Variants in QTMAN observed in about 807,000 individuals in gnomAD.
The protein encoded by QTMAN is queuosine-tRNA mannosyltransferase.
At chr2:143,946,508 T>G in the QTMAN span, 1 of 152,868 alleles carries the variant, frequency 6.5e-6, no homozygotes, top group African/African-American at 2.4e-5. Flanking sequence ...GCCCAATTAA[T>G]CCCAAAGCAT....
At chr2:144,057,604 A>C in the QTMAN span, among the ~76,000 whole-genome samples, 1 of 152,140 alleles carries the variant, frequency 6.6e-6, no homozygotes. Flanking sequence ...TTTCAATTTG[A>C]CCATAGTGGG....
At chr2:144,287,210 G>A in the QTMAN span, among the ~76,000 whole-genome samples, 1 of 152,182 alleles carries the variant, frequency 6.6e-6, no homozygotes, top group Non-Finnish European at 1.5e-5. Flanking sequence ...GCCAAAGCGG[G>A]CGGATCACAA....
At chr2:144,292,267 G>A in the QTMAN span, among the ~76,000 whole-genome samples, 1 of 152,172 alleles carries the variant, frequency 6.6e-6, no homozygotes, top group East Asian at 1.9e-4. Context: ...CTGCTCCTAT[G>A]TGAGACCACT....
the QTMAN span, chr2:143,944,547 A>T: frequency 2.0e-5 from 3 of 152,114 alleles, no homozygotes. Flanking sequence ...GGTTCACGCC[A>T]TTCTCCTGCC....
the QTMAN span, among the ~76,000 whole-genome samples, chr2:144,227,658 C>T: frequency 6.6e-6 from 1 of 152,290 alleles, no homozygotes; most frequent in African/African-American, 2.4e-5. Context: ...AATACCAACA[C>T]ATATGCACTA....
the QTMAN span, among the ~76,000 whole-genome samples, chr2:144,264,419 A>C: frequency 6.6e-6 from 1 of 152,072 alleles, no homozygotes; most frequent in African/African-American, 2.4e-5. Context: ...ACCAAATCTC[A>C]TATTTTCAGG....
At chr2:144,019,435 G>GGTGTGTGTGTGTGTGTGTGTGTGTGTGT in the QTMAN span, among the ~76,000 whole-genome samples, 2 of 117,274 alleles carry the variant, frequency 1.7e-5, no homozygotes, top group Non-Finnish European at 3.6e-5. Context: ...TAAGCATGCA[G>GGTGTGTGTGTGTGTGTGTGTGTGTGTGT]GTGTGTGTGT....
chr2:143,997,219 CATT>C, the QTMAN span, among the ~76,000 whole-genome samples: 1 of 152,052 alleles, frequency 6.6e-6, no homozygotes, highest in African/African-American at 2.4e-5. Context: ...GGGCTTGATA[CATT>C]ATTTATGAAC....
At chr2:144,177,252 TA>T in the QTMAN span, 10,180 of 577,210 alleles carry the variant, frequency 0.018, 11 homozygotes, top group African/African-American at 0.022. Flanking sequence ...TTGATCCCAA[TA>T]AAAAAAAAAA....
the QTMAN span, among the ~76,000 whole-genome samples, chr2:144,065,258 C>G: frequency 1.3e-5 from 2 of 152,116 alleles, no homozygotes; most frequent in African/African-American, 4.8e-5. Flanking sequence ...TACAAACAAA[C>G]CAAAAGTGAG....
chr2:144,110,684 C>CCCG, the QTMAN span, among the ~76,000 whole-genome samples: 1 of 142,044 alleles, frequency 7.0e-6, no homozygotes, highest in East Asian at 2.3e-4. Context: ...AATCGACCCC[C>CCCG]CCCCAAAAAA....
the QTMAN span, among the ~76,000 whole-genome samples, chr2:144,058,838 T>C: frequency 2.0e-5 from 3 of 152,146 alleles, no homozygotes; most frequent in African/African-American, 4.8e-5. Context: ...CCCCATCTAA[T>C]CAACCCCCAA....
chr2:144,160,889 A>G, the QTMAN span, among the ~76,000 whole-genome samples: 1 of 152,156 alleles, frequency 6.6e-6, no homozygotes, highest in African/African-American at 2.4e-5. Flanking sequence ...GCAGGAATAG[A>G]TGGTCTGGAA....
chr2:144,256,994 A>G, the QTMAN span, among the ~76,000 whole-genome samples: 1 of 152,062 alleles, frequency 6.6e-6, no homozygotes, highest in African/African-American at 2.4e-5. Context: ...AGGATATTTT[A>G]CTACTATGTT....
At chr2:144,238,007 T>G in the QTMAN span, among the ~76,000 whole-genome samples, 1 of 152,160 alleles carries the variant, frequency 6.6e-6, no homozygotes, top group Non-Finnish European at 1.5e-5. Context: ...TAGTCTAACT[T>G]TCAAATGACT....
the QTMAN span, among the ~76,000 whole-genome samples, chr2:144,203,807 T>G: frequency 5.9e-5 from 9 of 152,214 alleles, no homozygotes. Context: ...ATTTACCATG[T>G]TTTAACTGGA....
chr2:144,226,474 T>C, the QTMAN span, among the ~76,000 whole-genome samples: 22 of 152,174 alleles, frequency 1.4e-4, no homozygotes, highest in Non-Finnish European at 5.9e-5. Flanking sequence ...CAATACCCAA[T>C]TCTGAGTTCA....
At chr2:143,941,184 G>GGCCCCA in the QTMAN span, 1 of 152,122 alleles carries the variant, frequency 6.6e-6, no homozygotes, top group African/African-American at 2.4e-5. Flanking sequence ...CTTCTCCTCA[G>GGCCCCA]GCCCCAGTTT....
chr2:144,107,678 A>G, the QTMAN span, among the ~76,000 whole-genome samples: 11 of 152,360 alleles, frequency 7.2e-5, no homozygotes, highest in South Asian at 2.3e-3. Context: ...CAGAGGTACA[A>G]GGAGGAGCTG....
Sources: gnomAD v4.1 joint callset for allele counts (sites outside exome capture counted in the v4.1 genomes callset) on GRCh38, gnomAD v4.1.1 for gene constraint, MANE v1.5 for transcripts, NCBI Gene and HGNC (gene_info 2026-07-23, HGNC 2026-07-21) for gene names.